The following ARHGEF4 variants were observed in gnomAD, a reference collection of about 807,000 sequenced individuals.
The protein encoded by ARHGEF4 is APC-stimulated guanine nucleotide exchange factor 1.
A neutral mutation model predicts 162.0 loss-of-function variants in ARHGEF4; 119 were observed. The ratio of observed to expected loss-of-function variants is 0.73; its 90% CI spans 0.63 to 0.86. The LOEUF (loss-of-function observed/expected upper bound fraction) is 0.86, where lower values mean the gene tolerates loss of function less well. Among genes scored for constraint, ARHGEF4 ranks in the 40% least tolerant of loss-of-function variants. The pLI is 0.00. For synonymous variants in ARHGEF4, 1,014 were observed against 979.9 expected (o/e 1.03, Z -0.65); for missense variants, 2,488 against 2,456.0 (o/e 1.01, Z -0.28).
At chr2:130,982,797 A>G (rs1281098405) in intron 4 of ARHGEF4, among the ~76,000 whole-genome samples, 2 of 152,166 alleles carry the variant, frequency 1.3e-5, no homozygotes, top group African/African-American at 4.8e-5. Flanking sequence ...TTCATAAATA[A>G]TCTTTTTAAA....
intron 4 of ARHGEF4, among the ~76,000 whole-genome samples, chr2:130,966,102 G>A (rs1405919102): frequency 6.6e-6 from 1 of 152,194 alleles, no homozygotes; most frequent in Non-Finnish European, 1.5e-5. Flanking sequence ...CACTACCCGG[G>A]GAGTGCTGGT....
chr2:131,034,455 G>A (rs560866463), intron 5 of ARHGEF4, among the ~76,000 whole-genome samples: 22 of 152,308 alleles, frequency 1.4e-4, no homozygotes, highest in Middle Eastern at 3.4e-3. Flanking sequence ...AATGCTGCTC[G>A]GACGCTGCGG....
chr2:130,916,799 C>T lies in ARHGEF4; in HGVS notation c.2853C>T (p.Ser951=), dbSNP rs1343261337. 6 of 1,550,352 alleles carry T rather than the reference C, an allele frequency of 3.9e-6. No individual in the cohort carries two copies. The highest frequency in any genetic ancestry group is 5.2e-6 in the Non-Finnish European group (6 of 1,147,014). Residue 951 remains serine, a synonymous_variant, in exon 2 of 14, where the codon TCC becomes TCT. Coordinates refer to ENST00000409359, the MANE Select transcript of ARHGEF4 (RefSeq NM_001367493.1). ...AGAAGAGCAGGCTGCGCCAGGGTTC[C>T]TGGCGGGCGTTTCTGAAAAGCAAAG... The part of the protein sequence containing the change: ...EKEKSRLRQG[S]WRAFLKSKDA...
In ARHGEF4 at chr2:131,016,016, G is replaced by A. The variant is rs1036464051; in HGVS notation, c.3986-11929G>A. On this transcript the variant is annotated intron_variant, in intron 4 of 13. Transcript: ENST00000409359. ...GACCACATGCATGCCAGGGCTCCCC[G>A]GGAGCCTCACCTCTCACCCTCCTTC... Among the ~76,000 whole-genome samples the A allele has an allele frequency of 4.0e-4, 61 of 152,190 alleles. 2 individuals are homozygous for A. Among genetic ancestry groups the A allele is most frequent in the South Asian group, 2.1e-4 (1 of 4,816 alleles).
chr2:131,026,850 G>A (rs140889605), intron 4 of ARHGEF4, among the ~76,000 whole-genome samples: 2 of 152,200 alleles, frequency 1.3e-5, no homozygotes, highest in African/African-American at 2.4e-5. Context: ...ACACCTAGGC[G>A]TCTACACTCA....
At chr2:131,020,361 C>T (rs1347989761) in intron 4 of ARHGEF4, among the ~76,000 whole-genome samples, 6 of 129,856 alleles carry the variant, frequency 4.6e-5, no homozygotes, top group Admixed American at 9.2e-5. Context: ...CACAACAGGC[C>T]CCAGTGTGTG....
chr2:130,925,085 TGAGA>T lies in ARHGEF4; in HGVS notation c.3553-5850_3553-5847del, dbSNP rs138553262. On this transcript the variant is annotated intron_variant, in intron 2 of 13. Transcript: ENST00000409359. ...GTGTGTGTGTGTGTGTGTGTGCGTC[TGAGA>T]GAGAGAGAGAGAGAGAATGAACATT... Among the ~76,000 whole-genome samples the T allele has an allele frequency of 3.8e-3, 524 of 136,214 alleles. 4 individuals are homozygous for T. Among genetic ancestry groups the T allele is most frequent in the African/African-American group, 0.011 (401 of 36,916 alleles). 89.4% of individuals were successfully genotyped at this position (136,214 alleles called of 152,430 possible).
Position 131,046,968 on chromosome 2 carries a change from A to G in ARHGEF4, c.*779A>G, listed in dbSNP as rs1331152050. 6.5e-6 allele frequency: 1 copy of G among 152,680 alleles called. No individual in the cohort carries two copies. Among genetic ancestry groups the G allele is most frequent in the African/African-American group, 2.4e-5 (1 of 41,474 alleles). 9.5% of individuals were successfully genotyped at this position (152,680 alleles called of 1,614,324 possible). A position where few individuals can be genotyped will look rare whatever the true frequency, so the allele number is the denominator to read the frequency against. ...TAACAACAAACAATGGAGAAAAAGAATTGATTCTTAGTGACACAGAAGATT... is the reference window on the plus strand; with the variant it reads ...TAACAACAAACAATGGAGAAAAAGAGTTGATTCTTAGTGACACAGAAGATT... On this transcript the variant is annotated 3_prime_UTR_variant, in exon 14 of 14. Coordinates refer to ENST00000409359, the MANE Select transcript of ARHGEF4 (RefSeq NM_001367493.1).
intron 1 of ARHGEF4, among the ~76,000 whole-genome samples, chr2:130,850,883 G>A (rs908891650): frequency 1.3e-5 from 2 of 152,238 alleles, no homozygotes; most frequent in Admixed American, 6.5e-5. Flanking sequence ...TCATGCATGC[G>A]CTTCTGTGGG....
intron 5 of ARHGEF4, among the ~76,000 whole-genome samples, chr2:131,037,202 A>G (rs1277758645): frequency 6.6e-6 from 1 of 152,164 alleles, no homozygotes. Flanking sequence ...TGTCACTCTG[A>G]GGAGAGCGTC....
At chr2:131,007,409 A>C (rs1688186028) in intron 4 of ARHGEF4, among the ~76,000 whole-genome samples, 2 of 152,040 alleles carry the variant, frequency 1.3e-5, no homozygotes, top group South Asian at 4.2e-4. Flanking sequence ...TTACTTTTTC[A>C]CTCAAGTTTT....
chr2:131,027,221 G>A (rs1303616159), intron 4 of ARHGEF4, among the ~76,000 whole-genome samples: 1 of 152,242 alleles, frequency 6.6e-6, no homozygotes, highest in Non-Finnish European at 1.5e-5. Flanking sequence ...CTGTGTGGCA[G>A]TGAAAATGAA....
rs1469724158 is a variant in ARHGEF4, at chr2:130,981,611, T to C, written c.3985+34976T>C. 5.3e-5 allele frequency among the ~76,000 whole-genome samples: 8 copies of C among 150,162 alleles called. No individual in the cohort carries two copies. The South Asian group carries it at 1.1e-3, about 20-fold the overall frequency. ...GAGGTGGAGGTTGCAGTGAGCAAGATTGCACCACTGCACTCCAGCCTGGGT... is the reference window on the plus strand; with the variant it reads ...GAGGTGGAGGTTGCAGTGAGCAAGACTGCACCACTGCACTCCAGCCTGGGT... On this transcript the variant is annotated intron_variant, in intron 4 of 13. Coordinates refer to ENST00000409359, the MANE Select transcript of ARHGEF4 (RefSeq NM_001367493.1).
At chr2:130,977,064 G>A (rs1207357278) in intron 4 of ARHGEF4, among the ~76,000 whole-genome samples, 12 of 150,704 alleles carry the variant, frequency 8.0e-5, no homozygotes, top group African/African-American at 2.7e-4. Flanking sequence ...GGTGTGTTTT[G>A]TATGTGTGTT....
At chr2:131,017,844 G>A (rs993291861) in intron 4 of ARHGEF4, among the ~76,000 whole-genome samples, 5 of 152,176 alleles carry the variant, frequency 3.3e-5, no homozygotes, top group African/African-American at 9.7e-5. Flanking sequence ...GGGCTCAACA[G>A]AGTAAAGATT....
At chr2:130,926,337 A>G (rs1682287329) in intron 2 of ARHGEF4, among the ~76,000 whole-genome samples, 1 of 151,702 alleles carries the variant, frequency 6.6e-6, no homozygotes, top group Admixed American at 6.6e-5. Flanking sequence ...AAGCATTTTT[A>G]TGATGGCTGC....
intron 3 of ARHGEF4, among the ~76,000 whole-genome samples, chr2:130,933,228 A>G (rs1199266664): frequency 3.9e-5 from 6 of 151,958 alleles, no homozygotes; most frequent in African/African-American, 1.4e-4. Flanking sequence ...AAAAAAAAAA[A>G]AAGTCAAATT....
intron 4 of ARHGEF4, among the ~76,000 whole-genome samples, chr2:130,955,016 T>G (rs575851378): frequency 6.6e-6 from 1 of 152,286 alleles, no homozygotes; most frequent in Non-Finnish European, 1.5e-5. Flanking sequence ...TTTCTATTGA[T>G]CTATCTTCAA....
chr2:130,905,017 T>C (rs2105026510), intron 1 of ARHGEF4, among the ~76,000 whole-genome samples: 1 of 152,330 alleles, frequency 6.6e-6, no homozygotes, highest in African/African-American at 2.4e-5. Flanking sequence ...AGGCAGAGGT[T>C]GCAGTGAGCT....
Sources: allele counts gnomAD v4.1 joint callset (sites outside exome capture counted in the v4.1 genomes callset), GRCh38; gene constraint gnomAD v4.1.1; transcripts MANE v1.5; gene names NCBI Gene and HGNC (gene_info 2026-07-23, HGNC 2026-07-21).